Variants in ZMYM2 observed in about 807,000 individuals in gnomAD.
ZMYM2 encodes zinc finger MYM-type containing 2.
Under a neutral mutation model 162.8 loss-of-function variants are expected in ZMYM2, and 56 were observed. The observed-to-expected ratio is 0.34, with a 90% CI of 0.28 to 0.43. The LOEUF (loss-of-function observed/expected upper bound fraction) is 0.43. Ranked by LOEUF, ZMYM2 falls within the 20% of genes least tolerant of loss-of-function variation. The pLI, the probability that ZMYM2 is intolerant of heterozygous loss-of-function variation, is 1.00. For synonymous variants in ZMYM2, 510 were observed against 541.6 expected, an observed-to-expected ratio of 0.94 and a Z score of 0.81; for missense variants, 1,275 against 1,621.8, an observed-to-expected ratio of 0.79 and a Z score of 3.67.
the ZMYM2 span, among the ~76,000 whole-genome samples, chr13:19,922,072 C>T: frequency 7.7e-4 from 117 of 152,176 alleles, no homozygotes; most frequent in Admixed American, 2.1e-3. Flanking sequence ...CACCACCACG[C>T]TCACCTTATT....
At chr13:20,079,699 A>AT (rs747187551) in intron 21 of ZMYM2, among the ~76,000 whole-genome samples, 4 of 152,338 alleles carry the variant, frequency 2.6e-5, no homozygotes, top group Non-Finnish European at 5.9e-5. Flanking sequence ...ATCATTTATC[A>AT]TGGATTGCCT....
At chr13:19,911,501 C>A in the ZMYM2 span, among the ~76,000 whole-genome samples, 97 of 152,248 alleles carry the variant, frequency 6.4e-4, no homozygotes, top group African/African-American at 2.1e-3. Flanking sequence ...CCGAAGGGAC[C>A]TTTAGCTTTT....
intron 11 of ZMYM2, 108 bp from the exon 12 acceptor site, chr13:20,036,629 A>C: frequency 1.2e-6 from 1 of 831,940 alleles, no homozygotes; most frequent in Non-Finnish European, 1.7e-6. Flanking sequence ...TAGATTTTAT[A>C]GTTTTGATCA....
intron 2 of ZMYM2, among the ~76,000 whole-genome samples, chr13:19,988,422 A>C (rs540551272): frequency 8.3e-4 from 126 of 152,236 alleles, no homozygotes; most frequent in Admixed American, 1.4e-3. Flanking sequence ...TCTTTCCTCA[A>C]ATATTTGGGA....
At chr13:19,951,162 G>A in the ZMYM2 span, among the ~76,000 whole-genome samples, 1 of 152,110 alleles carries the variant, frequency 6.6e-6, no homozygotes, top group Non-Finnish European at 1.5e-5. Flanking sequence ...GGAACTTGGT[G>A]GGCTATGATG....
At chr13:19,941,286 T>C in the ZMYM2 span, among the ~76,000 whole-genome samples, 1 of 147,670 alleles carries the variant, frequency 6.8e-6, no homozygotes, top group African/African-American at 2.5e-5. Flanking sequence ...CCAGCCTGGG[T>C]GACAGAGCGG....
chr13:19,978,037 T>C (rs1272295161), intron 2 of ZMYM2, among the ~76,000 whole-genome samples: 1 of 151,484 alleles, frequency 6.6e-6, no homozygotes, highest in Non-Finnish European at 1.5e-5. Flanking sequence ...CCACCACGCC[T>C]GGCTAATGTT....
the ZMYM2 span, among the ~76,000 whole-genome samples, chr13:19,895,140 T>G: frequency 6.8e-6 from 1 of 146,358 alleles, no homozygotes. Flanking sequence ...TCTGTATATA[T>G]AAAACAGAAA....
chr13:19,910,651 A>C, the ZMYM2 span, among the ~76,000 whole-genome samples: 1 of 151,302 alleles, frequency 6.6e-6, no homozygotes, highest in East Asian at 1.9e-4. Context: ...CCTAGGACAC[A>C]CCTTTCATCA....
chr13:19,865,625 A>G, the ZMYM2 span, among the ~76,000 whole-genome samples: 1 of 152,228 alleles, frequency 6.6e-6, no homozygotes. Context: ...TGGTAAGCTC[A>G]GTAGCCACTT....
intron 12 of ZMYM2, among the ~76,000 whole-genome samples, chr13:20,050,610 T>C (rs904652439): frequency 1.3e-5 from 2 of 152,026 alleles, no homozygotes; most frequent in African/African-American, 2.4e-5. Context: ...ATCACTTATA[T>C]TTTCGTTAAA....
intron 2 of ZMYM2, among the ~76,000 whole-genome samples, chr13:19,971,256 A>ATATATATATATATATCTATATATATATC (rs1956297813): frequency 1.0e-5 from 1 of 99,502 alleles, no homozygotes; most frequent in Non-Finnish European, 2.1e-5. Context: ...ATATATATAT[A>ATATATATATATATATCTATATATATATC]TATATATTTT....
the ZMYM2 span, among the ~76,000 whole-genome samples, chr13:19,881,494 C>A: frequency 6.6e-6 from 1 of 151,494 alleles, no homozygotes; most frequent in African/African-American, 2.4e-5. Context: ...TGGTGGCATG[C>A]GCCTGTAATC....
chr13:20,040,015 T>G (rs1954095847), intron 12 of ZMYM2, among the ~76,000 whole-genome samples: 1 of 152,184 alleles, frequency 6.6e-6, no homozygotes, highest in South Asian at 2.1e-4. Flanking sequence ...ATTTTGGCGT[T>G]GATGTTCATT....
the ZMYM2 span, among the ~76,000 whole-genome samples, chr13:19,937,279 C>T: frequency 2.0e-5 from 3 of 151,786 alleles, no homozygotes; most frequent in East Asian, 3.9e-4. Context: ...TACAGGAGCA[C>T]GCCAGCGCCA....
intron 2 of ZMYM2, among the ~76,000 whole-genome samples, chr13:19,972,678 T>C (rs9578241): frequency 0.088 from 13,322 of 152,032 alleles, 869 homozygotes; most frequent in African/African-American, 0.18. Flanking sequence ...GTGTTTTCTA[T>C]AGGGAAGATT....
the ZMYM2 span, among the ~76,000 whole-genome samples, chr13:19,893,140 G>T: frequency 6.6e-6 from 1 of 151,448 alleles, no homozygotes; most frequent in African/African-American, 2.4e-5. Context: ...ACTTAAAAAT[G>T]GTTAAAATAG....
At chr13:19,948,500 A>G in the ZMYM2 span, among the ~76,000 whole-genome samples, 1 of 152,228 alleles carries the variant, frequency 6.6e-6, no homozygotes, top group Admixed American at 6.5e-5. Context: ...AAATAAGCTG[A>G]TCTGAAAAGT....
At chr13:20,042,772 G>A (rs981862643) in intron 12 of ZMYM2, among the ~76,000 whole-genome samples, 1 of 151,860 alleles carries the variant, frequency 6.6e-6, no homozygotes, top group East Asian at 1.9e-4. Context: ...TGCCCAGACT[G>A]GAGTGCCGTG....
Sources: allele counts gnomAD v4.1 joint callset (sites outside exome capture counted in the v4.1 genomes callset), GRCh38; gene constraint gnomAD v4.1.1; transcripts MANE v1.5; gene names NCBI Gene and HGNC (gene_info 2026-07-23, HGNC 2026-07-21).